RNF169: variants seen among roughly 807,000 people sequenced by gnomAD.
The protein encoded by RNF169 is E3 ubiquitin-protein ligase RNF169.
In RNF169, 24 loss-of-function variants were observed where a neutral mutation model predicts 53.9. The observed-to-expected ratio is 0.45, with a 90% CI of 0.32 to 0.63. The LOEUF is 0.63. RNF169 is among the 20% of genes least tolerant of loss of function. RNF169 has a pLI of 0.04. For synonymous variants in RNF169, 396 were observed against 363.5 expected (o/e 1.09, Z -1.02); for missense variants, 883 against 906.2 (o/e 0.97, Z 0.33).
At chr11:74,820,586 G>C (rs1322175503) in intron 4 of RNF169, among the ~76,000 whole-genome samples, 2 of 152,148 alleles carry the variant, frequency 1.3e-5, no homozygotes, top group Non-Finnish European at 2.9e-5. Context: ...AGTTGAAACA[G>C]CAAGGCTTGA....
chr11:74,795,842 G>T (rs2035641060), intron 2 of RNF169, among the ~76,000 whole-genome samples: 1 of 152,084 alleles, frequency 6.6e-6, no homozygotes, highest in Non-Finnish European at 1.5e-5. Context: ...GGGTGACAGA[G>T]TAAGACTCTT....
chr11:74,794,298 A>G (rs1337043056), intron 2 of RNF169, among the ~76,000 whole-genome samples: 1 of 152,200 alleles, frequency 6.6e-6, no homozygotes, highest in Admixed American at 6.5e-5. Context: ...TGATGGAGAG[A>G]TGCAGTAGAT....
At chr11:74,783,642 C>T (rs1423470386) in intron 1 of RNF169, among the ~76,000 whole-genome samples, 1 of 152,180 alleles carries the variant, frequency 6.6e-6, no homozygotes, top group East Asian at 1.9e-4. Context: ...TTGTGACTAA[C>T]TCCTCTGGAC....
chr11:74,818,126 T>G (rs960270491), intron 4 of RNF169, among the ~76,000 whole-genome samples: 2 of 152,100 alleles, frequency 1.3e-5, no homozygotes, highest in African/African-American at 4.8e-5. Flanking sequence ...AACTGAAAAG[T>G]TTTTAAGACC....
At chr11:74,832,633 C>T (rs1194368857) in intron 4 of RNF169, 1 of 152,110 alleles carries the variant, frequency 6.6e-6, no homozygotes, top group African/African-American at 2.4e-5. Context: ...GTGAACTGCT[C>T]TATTGAAAGT....
rs548359589 is a variant in RNF169, at chr11:74,810,869, G to A, written c.723+539G>A. 3.9e-5 allele frequency among the ~76,000 whole-genome samples: 6 copies of A among 152,258 alleles called. No individual in the cohort carries two copies. In the South Asian group the frequency reaches 1.2e-3, roughly 32 times the overall value. On this transcript the variant is annotated intron_variant, in intron 3 of 5. Transcript: ENST00000299563. ...ATTACTAGAAAAGGTTGCAAGTTGTGTATTTAACTTACATAAGGAAGCACT... is the reference window on the plus strand; with the variant it reads ...ATTACTAGAAAAGGTTGCAAGTTGTATATTTAACTTACATAAGGAAGCACT...
intron 4 of RNF169, among the ~76,000 whole-genome samples, chr11:74,818,240 G>C (rs1332198966): frequency 6.6e-6 from 1 of 152,060 alleles, no homozygotes; most frequent in South Asian, 2.1e-4. Flanking sequence ...TGAAGGGCTA[G>C]GTGGAGGAAA....
intron 1 of RNF169, among the ~76,000 whole-genome samples, chr11:74,773,207 C>T (rs540637506): frequency 6.6e-6 from 1 of 152,176 alleles, no homozygotes; most frequent in East Asian, 1.9e-4. Flanking sequence ...GCCTGGATTT[C>T]CATGGTGCTG....
At chr11:74,822,045 T>G (rs1055783282) in intron 4 of RNF169, among the ~76,000 whole-genome samples, 1 of 142,740 alleles carries the variant, frequency 7.0e-6, no homozygotes, top group African/African-American at 2.6e-5. Context: ...GAGAGAGAGG[T>G]GTGTGTGTGT....
At chr11:74,789,155 C>G (rs1222379739) in intron 1 of RNF169, among the ~76,000 whole-genome samples, 1 of 152,160 alleles carries the variant, frequency 6.6e-6, no homozygotes, top group Non-Finnish European at 1.5e-5. Context: ...GTTTATGTTA[C>G]TGTTTTCTAT....
intron 3 of RNF169, 117 bp downstream of exon 3, chr11:74,810,447 G>A (rs1027407110): frequency 2.1e-6 from 2 of 940,374 alleles, no homozygotes; most frequent in Non-Finnish European, 1.7e-6. Context: ...GTCAGTGACT[G>A]TGCAGCTTAA....
chr11:74,831,222 TGAC>T (rs2135148141), intron 4 of RNF169: 1 of 152,280 alleles, frequency 6.6e-6, no homozygotes, highest in African/African-American at 2.4e-5. Flanking sequence ...TGTTTACACA[TGAC>T]ATGTTAATCA....
At chr11:74,783,700 G>C (rs1214150929) in intron 1 of RNF169, among the ~76,000 whole-genome samples, 1 of 152,102 alleles carries the variant, frequency 6.6e-6, no homozygotes, top group Non-Finnish European at 1.5e-5. Flanking sequence ...ACATCTTGTT[G>C]CTCTGCTTTG....
chr11:74,809,464 C>G (rs1297875402), intron 2 of RNF169, among the ~76,000 whole-genome samples: 1 of 152,132 alleles, frequency 6.6e-6, no homozygotes, highest in African/African-American at 2.4e-5. Flanking sequence ...ATTCCAAAGC[C>G]CATGCTATTT....
At chr11:74,825,071 C>T (rs2036074275) in intron 4 of RNF169, among the ~76,000 whole-genome samples, 1 of 152,018 alleles carries the variant, frequency 6.6e-6, no homozygotes, top group Non-Finnish European at 1.5e-5. Context: ...TAATATCAGA[C>T]AATATAGACT....
chr11:74,749,324 C>T lies in RNF169; in HGVS notation c.444C>T (p.Gly148=). ...PERCRPRRDG[G]AAAAGPRPEQ... The stretch of plus-strand genomic sequence containing the variant: ...GCTGCCGCCCGCGCCGGGACGGGGG[C>T]GCGGCTGCCGCGGGGCCCAGGCCAG... Residue 148 remains glycine, a synonymous_variant, in exon 1 of 6, where the codon GGC becomes GGT. Transcript: ENST00000299563. 2 of 1,197,844 alleles carry T rather than the reference C, an allele frequency of 1.7e-6. No individual in the cohort carries two copies. Among genetic ancestry groups the T allele is most frequent in the East Asian group, 3.5e-5 (1 of 28,590 alleles). 74.2% of individuals were successfully genotyped at this position (1,197,844 alleles called of 1,614,324 possible).
chr11:74,805,520 GATATAAAAAATGAATTCTTA>G (rs1300126614), intron 2 of RNF169, among the ~76,000 whole-genome samples: 3 of 152,078 alleles, frequency 2.0e-5, no homozygotes, highest in Non-Finnish European at 4.4e-5. Flanking sequence ...GTAGTCTTAT[GATATAAAAAATGAATTCTTA>G]ATATAAAAAA....
At chr11:74,826,530 CAT>C (rs1305162869) in intron 4 of RNF169, among the ~76,000 whole-genome samples, 2 of 152,192 alleles carry the variant, frequency 1.3e-5, no homozygotes, top group African/African-American at 4.8e-5. Flanking sequence ...TCCCAAATAT[CAT>C]GTCCTCACTT....
chr11:74,831,058 A>G (rs2036170397), intron 4 of RNF169: 1 of 152,206 alleles, frequency 6.6e-6, no homozygotes, highest in Non-Finnish European at 1.5e-5. Context: ...CTCAGTGGTG[A>G]AAGAGAAAAC....
Sources: allele counts gnomAD v4.1 joint callset (sites outside exome capture counted in the v4.1 genomes callset), GRCh38; gene constraint gnomAD v4.1.1; transcripts MANE v1.5; gene names NCBI Gene and HGNC (gene_info 2026-07-23, HGNC 2026-07-21).